Variants in SLC35A3 observed in about 807,000 individuals in gnomAD.
The protein encoded by SLC35A3 is solute carrier family 35 member A3, also known as UDP-N-acetylglucosamine transporter.
SLC35A3 carries 26 observed loss-of-function variants against 39.0 expected under a neutral mutation model. The observed-to-expected ratio is 0.67, with a 90% confidence interval of 0.49 to 0.92. The LOEUF (loss-of-function observed/expected upper bound fraction) is 0.92. Among genes scored for constraint, SLC35A3 ranks in the 40% least tolerant of loss-of-function variants. SLC35A3 has a pLI of 0.00. For missense variants in SLC35A3, 299 were observed against 371.6 expected, an observed-to-expected ratio of 0.80 and a Z score of 1.61; for synonymous variants, 135 against 133.1, an observed-to-expected ratio of 1.01 and a Z score of -0.10.
Position 100,033,771 on chromosome 1 carries a change from A to G in SLC35A3, c.*11295A>G, listed in dbSNP as rs1272559240. On this transcript the variant is annotated 3_prime_UTR_variant, in exon 8 of 8. Transcript: ENST00000533028. ...TCTTATTTCTTTTTGATTAGAACAT[A>G]TAATATTTACACACTATTTTCCCAT... The G allele has an allele frequency of 6.6e-6, 1 of 152,178 alleles. No individual in the cohort carries two copies. Among genetic ancestry groups the G allele is most frequent in the Non-Finnish European group, 1.5e-5 (1 of 68,034 alleles). The allele number at this position is 152,178 out of a possible 1,614,324, so 9.4% of individuals were successfully genotyped here.
At chr1:99,988,057 G>A (rs925440381) in intron 1 of SLC35A3, among the ~76,000 whole-genome samples, 2 of 152,066 alleles carry the variant, frequency 1.3e-5, no homozygotes, top group Non-Finnish European at 2.9e-5. Context: ...TTATACCCCT[G>A]AATTGTAGAT....
Position 100,024,675 on chromosome 1 carries a change from G to A in SLC35A3, c.*2199G>A, listed in dbSNP as rs1557851674. 5 of 374,382 alleles carry A rather than the reference G, an allele frequency of 1.3e-5. No individual in the cohort carries two copies. Among genetic ancestry groups the A allele is most frequent in the Admixed American group, 4.7e-5 (1 of 21,134 alleles). 23.2% of individuals were successfully genotyped at this position (374,382 alleles called of 1,614,324 possible). On this transcript the variant is annotated 3_prime_UTR_variant, in exon 8 of 8. Transcript: ENST00000533028. ...CACTTTGTCGCCAGGCTGGAGTGCT[G>A]TGGCGCGATCTCGGCTTACTGCAAC...
chr1:99,979,898 G>C (rs1657354799), intron 1 of SLC35A3, among the ~76,000 whole-genome samples: 1 of 151,780 alleles, frequency 6.6e-6, no homozygotes, highest in Non-Finnish European at 1.5e-5. Flanking sequence ...ACAAAAATTA[G>C]CCGGACATGG....
chr1:99,993,549 A>AT lies in SLC35A3; in HGVS notation c.-6_-5insT. The AT allele has an allele frequency of 6.2e-7, 1 of 1,613,692 alleles. No homozygotes were observed. The highest frequency in any genetic ancestry group is 8.5e-7 in the Non-Finnish European group (1 of 1,179,782). On this transcript the variant is annotated 5_prime_UTR_variant, in exon 2 of 8. The change creates a premature stop within an existing upstream ORF in the 5' untranslated region. Coordinates refer to ENST00000533028, the MANE Select transcript of SLC35A3 (RefSeq NM_012243.3). ...TTTTGTTTTTCAGGCAAATGAAGAT[A>AT]AAACAATGTTCGCCAACCTAAAATA...
At chr1:100,019,909 G>A (rs1472543637) in intron 7 of SLC35A3, among the ~76,000 whole-genome samples, 1 of 151,972 alleles carries the variant, frequency 6.6e-6, no homozygotes, top group Non-Finnish European at 1.5e-5. Context: ...TTGCTTATTG[G>A]TGTTACCATT....
At chr1:99,980,353 T>C (rs969478121) in intron 1 of SLC35A3, among the ~76,000 whole-genome samples, 6 of 151,680 alleles carry the variant, frequency 4.0e-5, no homozygotes, top group African/African-American at 1.5e-4. Context: ...AATGGGAGGG[T>C]GGGAAGGAGT....
rs1661428341 is a variant in SLC35A3, at chr1:100,035,081, A to G, written c.*12605A>G. 1 of 152,160 alleles carries G rather than the reference A, an allele frequency of 6.6e-6. No individual in the cohort carries two copies. Among genetic ancestry groups the G allele is most frequent in the Non-Finnish European group, 1.5e-5 (1 of 68,022 alleles). The allele number at this position is 152,160 out of a possible 1,614,324, so 9.4% of individuals were successfully genotyped here. On this transcript the variant is annotated 3_prime_UTR_variant, in exon 8 of 8. Coordinates refer to ENST00000533028, the MANE Select transcript of SLC35A3 (RefSeq NM_012243.3). ...AATACGGTCATCCCTCCATATGAGG[A>G]GGGGAGTGGGAATTGGTTGTGGGAC...
chr1:99,982,644 GA>G (rs1341483571), intron 1 of SLC35A3, among the ~76,000 whole-genome samples: 3 of 151,906 alleles, frequency 2.0e-5, no homozygotes, highest in African/African-American at 7.3e-5. Context: ...TTTCTCTTAA[GA>G]ATATTAAATA....
In SLC35A3 at chr1:100,034,290, C is replaced by T. The variant is rs1661388845; in HGVS notation, c.*11814C>T. 1 of 152,008 alleles carries T rather than the reference C, an allele frequency of 6.6e-6. No homozygotes were observed. Among genetic ancestry groups the T allele is most frequent in the African/African-American group, 2.4e-5 (1 of 41,344 alleles). The allele number at this position is 152,008 out of a possible 1,614,324, so 9.4% of individuals were successfully genotyped here. On this transcript the variant is annotated 3_prime_UTR_variant, in exon 8 of 8. Transcript: ENST00000533028. The stretch of plus-strand genomic sequence containing the variant: ...TTACTTTACTTTTATTTGTGTCTCT[C>T]AGGTACCCTGTGATTTAGTTTTCAT...
At chr1:99,970,230 A>C in intron 1 of SLC35A3, 68 bp downstream of exon 1, 2 of 218,278 alleles carry the variant, frequency 9.2e-6, no homozygotes, top group Non-Finnish European at 1.8e-5. Flanking sequence ...CGGCCCGGGA[A>C]GCTCCTGGAG....
Position 100,027,211 on chromosome 1 carries a change from G to C in SLC35A3, c.*4735G>C. 2.5e-6 allele frequency: 1 copy of C among 398,586 alleles called. No homozygotes were observed. The highest frequency in any genetic ancestry group is 4.4e-6 in the Non-Finnish European group (1 of 226,066). 24.7% of individuals were successfully genotyped at this position (398,586 alleles called of 1,614,324 possible). ...TCATTCCTGTAATCCCAACACTTTA[G>C]GAAGCCAAGGCAGAAGAATCGCTTG... On this transcript the variant is annotated 3_prime_UTR_variant, in exon 8 of 8. Transcript: ENST00000533028.
rs151179832 is a variant in SLC35A3 at position 100,003,340 on chromosome 1, C to G, written c.343-3694C>G. 5.4e-3 allele frequency among the ~76,000 whole-genome samples: 791 copies of G among 146,242 alleles called. 3 individuals carry two copies. Among genetic ancestry groups the G allele is most frequent in the Non-Finnish European group, 8.5e-3 (576 of 67,442 alleles). ...CTGAGGTAGGAGAATTGCTTGAACCCAGGAGGCGGAGGTTGCCGTGAGCTG... is the reference window on the plus strand; with the variant it reads ...CTGAGGTAGGAGAATTGCTTGAACCGAGGAGGCGGAGGTTGCCGTGAGCTG... On this transcript the variant is annotated intron_variant, in intron 3 of 7. Coordinates refer to ENST00000533028, the MANE Select transcript of SLC35A3 (RefSeq NM_012243.3).
intron 3 of SLC35A3, among the ~76,000 whole-genome samples, chr1:100,005,401 A>G (rs577750065): frequency 6.6e-6 from 1 of 152,372 alleles, no homozygotes; most frequent in East Asian, 1.9e-4. Context: ...TTTCCCCACA[A>G]CTAACATATG....
intron 3 of SLC35A3, chr1:100,000,541 C>T (rs768786269): frequency 1.3e-5 from 2 of 151,826 alleles, no homozygotes; most frequent in Non-Finnish European, 2.9e-5. Flanking sequence ...TTTTTCTTTG[C>T]TTTGCAGAAG....
In SLC35A3 at chr1:99,993,558, T is replaced by C; in HGVS notation, c.4T>C (p.Phe2Leu). The change falls in exon 2 of 8, where the codon TTC becomes CTC. Residue 2 changes from phenylalanine (F) to leucine (L), a missense_variant. By Grantham distance (22) the Phe-to-Leu change is conservative (BLOSUM62 0). Coordinates refer to ENST00000533028, the MANE Select transcript of SLC35A3 (RefSeq NM_012243.3). M[F>L]ANLKYVSLGI... The stretch of plus-strand genomic sequence containing the variant: ...TCAGGCAAATGAAGATAAAACAATG[T>C]TCGCCAACCTAAAATACGTTTCCCT... 6.2e-7 allele frequency: 1 copy of C among 1,613,914 alleles called. No individual in the cohort carries two copies. The highest frequency in any genetic ancestry group is 1.1e-5 in the South Asian group (1 of 91,064).
At chr1:100,002,820 G>A (rs1478565837) in intron 3 of SLC35A3, among the ~76,000 whole-genome samples, 1 of 142,980 alleles carries the variant, frequency 7.0e-6, no homozygotes, top group Non-Finnish European at 1.5e-5. Context: ...TTTTTATGTT[G>A]CCCAGGTTGG....
At chr1:100,020,431 A>G (rs1229616088) in intron 7 of SLC35A3, among the ~76,000 whole-genome samples, 1 of 152,226 alleles carries the variant, frequency 6.6e-6, no homozygotes, top group East Asian at 1.9e-4. Flanking sequence ...ATAATGACTA[A>G]GGAAGACAGT....
chr1:100,008,146 T>G (rs1456545284), intron 4 of SLC35A3: 1 of 152,074 alleles, frequency 6.6e-6, no homozygotes, highest in Admixed American at 6.6e-5. Context: ...AAAGATGGAC[T>G]TTCACTATGT....
rs1661152948 is a variant in SLC35A3, at chr1:100,030,221, CAAAT to C, written c.*7748_*7751del. The C allele has an allele frequency of 1.3e-5, 2 of 152,054 alleles. No individual in the cohort carries two copies. Among genetic ancestry groups the C allele is most frequent in the South Asian group, 2.1e-4 (1 of 4,826 alleles). 9.4% of individuals were successfully genotyped at this position (152,054 alleles called of 1,614,324 possible). A position where few individuals can be genotyped will look rare whatever the true frequency, so the allele number is the denominator to read the frequency against. On this transcript the variant is annotated 3_prime_UTR_variant, in exon 8 of 8. Coordinates refer to ENST00000533028, the MANE Select transcript of SLC35A3 (RefSeq NM_012243.3). ...AATGTTAGAGGTAATTTGTTTAAAA[CAAAT>C]AACATGGTGTTCTTTTGGAAATATA...
Sources: gnomAD v4.1 joint callset for allele counts (sites outside exome capture counted in the v4.1 genomes callset) on GRCh38, gnomAD v4.1.1 for gene constraint, MANE v1.5 for transcripts, NCBI Gene and HGNC (gene_info 2026-07-23, HGNC 2026-07-21) for gene names.